Variants in SMARCD2 observed in about 807,000 individuals in gnomAD.
SMARCD2 encodes the protein SWI/SNF-related matrix-associated actin-dependent regulator of chromatin subfamily D member 2.
SMARCD2 carries 39 observed loss-of-function variants against 70.4 expected under a neutral mutation model. The ratio of observed to expected loss-of-function variants is 0.55; its 90% CI spans 0.43 to 0.72. The LOEUF (loss-of-function observed/expected upper bound fraction) is 0.72, where lower values mean the gene tolerates loss of function less well. Ranked by LOEUF, SMARCD2 falls within the 30% of genes least tolerant of loss-of-function variation. The probability of loss-of-function intolerance (pLI) is 0.00; values close to 1 mark genes in which losing one functional copy is unlikely to be tolerated. For missense variants in SMARCD2, 540 were observed against 713.4 expected (o/e 0.76, Z 2.77); for synonymous variants, 249 against 279.4 (o/e 0.89, Z 1.08).
Position 63,832,110 on chromosome 17 carries a change from T to A in SMARCD2, c.*828A>T. 1.1e-6 allele frequency: 1 copy of A among 923,390 alleles called. No individual in the cohort carries two copies. The highest frequency in any genetic ancestry group is 1.7e-6 in the Non-Finnish European group (1 of 600,430). 57.2% of individuals were successfully genotyped at this position (923,390 alleles called of 1,614,324 possible). A position where few individuals can be genotyped will look rare whatever the true frequency, so the allele number is the denominator to read the frequency against. On this transcript the variant is annotated 3_prime_UTR_variant, in exon 13 of 13. Transcript: ENST00000448276. Reference sequence around the variant, plus strand: ...AGACAAAAGGATTTATTTGGAAATTTCCAAACCTGCCAGATGTGGCACTCG... The same window carrying A: ...AGACAAAAGGATTTATTTGGAAATTACCAAACCTGCCAGATGTGGCACTCG...
chr17:63,841,797 C>G (rs1904473355), intron 1 of SMARCD2, among the ~76,000 whole-genome samples: 1 of 152,226 alleles, frequency 6.6e-6, no homozygotes, highest in Admixed American at 6.5e-5. Context: ...AGAAGAGAGC[C>G]GGCCTGTGAC....
In SMARCD2 at chr17:63,835,155, AC is replaced by A. The variant is rs529039478; in HGVS notation, c.723+256del. ...CTTTTTTTTTCTGAGACACAATCTCACTCTGTCACCCAGGCTGAAGTGCAGT... is the reference window on the plus strand; with the variant it reads ...CTTTTTTTTTCTGAGACACAATCTCATCTGTCACCCAGGCTGAAGTGCAGT... On this transcript the variant is annotated intron_variant, in intron 5 of 12. Transcript: ENST00000448276. The A allele has an allele frequency of 2.0e-4, 108 of 537,296 alleles. No individual in the cohort carries two copies. The South Asian group carries it at 2.7e-3, about 13-fold the overall frequency. 33.3% of individuals were successfully genotyped at this position (537,296 alleles called of 1,614,324 possible).
rs2040205861 is a variant in SMARCD2 at position 63,832,610 on chromosome 17, G to C, written c.*328C>G. The stretch of plus-strand genomic sequence containing the variant: ...CCAGCTCTGACCCTCGCCCCAGGGG[G>C]AGTCTGTAAACATGCAAACCCAGCA... On this transcript the variant is annotated 3_prime_UTR_variant, in exon 13 of 13. Transcript: ENST00000448276. The C allele has an allele frequency of 2.4e-6, 1 of 412,934 alleles. No homozygotes were observed. The highest frequency in any genetic ancestry group is 2.0e-5 in the African/African-American group (1 of 49,616). The allele number at this position is 412,934 out of a possible 1,614,324, so 25.6% of individuals were successfully genotyped here.
Position 63,833,996 on chromosome 17 carries a change from C to G in SMARCD2, c.1094G>C (p.Cys365Ser). ...CNRYFRQIFS[C>S]GRLRFSEIPM... Reference sequence around the variant, plus strand: ...AATCTCGGAGAAACGGAGTCGGCCACAACTGAAGATCTGGAGGAAATACGA... The same window carrying G: ...AATCTCGGAGAAACGGAGTCGGCCAGAACTGAAGATCTGGAGGAAATACGA... The change falls in exon 9 of 13, where the codon TGT (cysteine) becomes TCT (serine). Residue 365 changes from cysteine to serine, a missense_variant. Cys to Ser is a moderately radical substitution (Grantham distance 112). Transcript: ENST00000448276. This position sits in a 1 kb window ranked among gnomAD's most constrained non-coding sequence, Gnocchi z 4.3. The G allele has an allele frequency of 6.2e-7, 1 of 1,613,806 alleles. No homozygotes were observed. The highest frequency in any genetic ancestry group is 8.5e-7 in the Non-Finnish European group (1 of 1,179,688).
chr17:63,835,331 C>A, intron 5 of SMARCD2, 81 bp downstream of exon 5: 1 of 1,435,690 alleles, frequency 7.0e-7, no homozygotes, highest in Non-Finnish European at 9.5e-7. Context: ...CTCTGCTGCT[C>A]AGGCTAGTAT....
chr17:63,837,659 CA>C lies in SMARCD2; in HGVS notation c.217-35del. 2 of 1,589,270 alleles carry C rather than the reference CA, an allele frequency of 1.3e-6. No individual in the cohort carries two copies. Among genetic ancestry groups the C allele is most frequent in the Admixed American group, 3.5e-5 (2 of 57,750 alleles). On this transcript the variant is annotated intron_variant, in intron 1 of 12. Transcript: ENST00000448276. The surrounding 1 kb of genome is among the most constrained non-coding windows in gnomAD (Gnocchi z 6.4). ...AGTGAGCCAACGGGGGTGCATAGGT[CA>C]GGGGCAAGGCCCTCCGGGACCCATA...
chr17:63,842,239 G>A (rs1363852440), intron 1 of SMARCD2: 2 of 759,070 alleles, frequency 2.6e-6, no homozygotes, highest in African/African-American at 1.9e-5. Flanking sequence ...GAAGCCCCCA[G>A]GCCTCCCAGC....
chr17:63,838,527 G>A, intron 1 of SMARCD2: 3 of 1,180,546 alleles, frequency 2.5e-6, no homozygotes, highest in Non-Finnish European at 3.4e-6. Flanking sequence ...ATCCTGGGAG[G>A]CAAGGATAGA....
rs1008106624 is a variant in SMARCD2 at position 63,842,535 on chromosome 17, G to A, written c.140C>T (p.Pro47Leu). The change falls in exon 1 of 13, where the codon CCG (proline) becomes CTG (leucine). Residue 47 changes from proline (P) to leucine (L), a missense_variant. Pro to Leu is a moderately conservative substitution (Grantham distance 98). Transcript: ENST00000448276. ...LPGPALRGPG[P>L]AGGVGGPGAA... is the part of the protein sequence containing the mutation. ...CCCGGGGCCCCCCACGCCTCCTGCC[G>A]GACCCGGTCCCCGGAGCGCCGGTCC... The A allele has an allele frequency of 5.8e-6, 7 of 1,211,214 alleles. No individual in the cohort carries two copies. The highest frequency in any genetic ancestry group is 3.2e-5 in the African/African-American group (2 of 63,274). The allele number at this position is 1,211,214 out of a possible 1,614,324, so 75.0% of individuals were successfully genotyped here.
chr17:63,837,181 C>G lies in SMARCD2; in HGVS notation c.444+14G>C, dbSNP rs760329064. On this transcript the variant is annotated intron_variant, in intron 3 of 12. Coordinates refer to ENST00000448276, the MANE Select transcript of SMARCD2 (RefSeq NM_001098426.2). The surrounding 1 kb of genome is among the most constrained non-coding windows in gnomAD (Gnocchi z 6.4). ...CCACTGGGCAGGCCTCCCAGGTGTC[C>G]TCTTAACACTTACTCGCTGAGGTAG... 2 of 1,613,406 alleles carry G rather than the reference C, an allele frequency of 1.2e-6. No homozygotes were observed.
intron 1 of SMARCD2, among the ~76,000 whole-genome samples, chr17:63,841,069 A>G (rs536616432): frequency 6.6e-6 from 1 of 152,368 alleles, no homozygotes; most frequent in Admixed American, 6.5e-5. Context: ...CTCAGTGGGC[A>G]GGCCCAAGGG....
At position 63,834,394 on chromosome 17, in the gene SMARCD2, G is replaced by A. The variant is rs2040237966; in HGVS notation, c.922-66C>T. 6.3e-7 allele frequency: 1 copy of A among 1,575,214 alleles called. No homozygotes were observed. Among genetic ancestry groups the A allele is most frequent in the Non-Finnish European group, 8.7e-7 (1 of 1,152,092 alleles). On this transcript the variant is annotated intron_variant, in intron 7 of 12. Coordinates refer to ENST00000448276, the MANE Select transcript of SMARCD2 (RefSeq NM_001098426.2). This position sits in a 1 kb window ranked among gnomAD's most constrained non-coding sequence, Gnocchi z 5.6. ...TAGAACAGTGGGAAAATAGGGCAGG[G>A]ACAGGAAGGGTTTCTAGGAACCAGC...
At chr17:63,840,430 TC>T (rs1904415621) in intron 1 of SMARCD2, among the ~76,000 whole-genome samples, 1 of 151,942 alleles carries the variant, frequency 6.6e-6, no homozygotes, top group Non-Finnish European at 1.5e-5. Context: ...TGTCTGGGCC[TC>T]CCAAAGTGCT....
rs890328152 is a variant in SMARCD2 at position 63,837,297 on chromosome 17, A to G, written c.402-60T>C. On this transcript the variant is annotated intron_variant, in intron 2 of 12. Coordinates refer to ENST00000448276, the MANE Select transcript of SMARCD2 (RefSeq NM_001098426.2). This position sits in a 1 kb window ranked among gnomAD's most constrained non-coding sequence, Gnocchi z 6.4. ...GGTCCAAAAAAGGACACTCACTCCC[A>G]TAACGCCCCTCCAGTCTCCAGGACC... 20 of 1,566,130 alleles carry G rather than the reference A, an allele frequency of 1.3e-5. No homozygotes were observed. The highest frequency in any genetic ancestry group is 3.3e-5 in the South Asian group (3 of 90,044).
Position 63,832,841 on chromosome 17 carries a change from A to G in SMARCD2, c.*97T>C, listed in dbSNP as rs935093201. On this transcript the variant is annotated 3_prime_UTR_variant, in exon 13 of 13. Coordinates refer to ENST00000448276, the MANE Select transcript of SMARCD2 (RefSeq NM_001098426.2). ...TGGAGAGTAGAGGGTGACAGCAGACACTCCTCACCCCAGCCTACGTGTCTG... is the reference window on the plus strand; with the variant it reads ...TGGAGAGTAGAGGGTGACAGCAGACGCTCCTCACCCCAGCCTACGTGTCTG... 6 of 976,872 alleles carry G rather than the reference A, an allele frequency of 6.1e-6. No homozygotes were observed. Among genetic ancestry groups the G allele is most frequent in the Non-Finnish European group, 9.6e-6 (6 of 625,536 alleles). The allele number at this position is 976,872 out of a possible 1,614,324, so 60.5% of individuals were successfully genotyped here. A position where few individuals can be genotyped will look rare whatever the true frequency, so the allele number is the denominator to read the frequency against.
At position 63,834,021 on chromosome 17, in the gene SMARCD2, A is replaced by C. The variant is rs768924157; in HGVS notation, c.1084-15T>G. ...CAACTGAAGATCTGGAGGAAATACG[A>C]AAGGCTCAGCGTTGGCTTGTGGGCA... is the stretch of plus-strand genomic sequence containing the variant. On this transcript the variant is annotated splice_polypyrimidine_tract_variant and intron_variant, in intron 8 of 12. Transcript: ENST00000448276. The surrounding 1 kb of genome is among the most constrained non-coding windows in gnomAD (Gnocchi z 5.6). 6.2e-7 allele frequency: 1 copy of C among 1,610,834 alleles called. No homozygotes were observed. The highest frequency in any genetic ancestry group is 8.5e-7 in the Non-Finnish European group (1 of 1,177,016).
In SMARCD2 at chr17:63,836,942, C is replaced by G; in HGVS notation, c.547G>C (p.Ala183Pro). The change falls in exon 4 of 13, where the codon GCC (alanine) becomes CCC (proline). Residue 183 changes from alanine (A) to proline (P), a missense_variant. Physicochemically the swap from Ala to Pro is conservative, Grantham distance 27 (BLOSUM62 -1). Transcript: ENST00000448276. ...IARKRMEIQE[A>P]IKKPLTQKRK... Reference sequence around the variant, plus strand: ...CATACTGTCAGAGGCTTTTTGATGGCCTCCTGGATCTCCATCCGCTTGCGA... The same window carrying G: ...CATACTGTCAGAGGCTTTTTGATGGGCTCCTGGATCTCCATCCGCTTGCGA... 6.2e-7 allele frequency: 1 copy of G among 1,613,820 alleles called. No individual in the cohort carries two copies. Among genetic ancestry groups the G allele is most frequent in the Non-Finnish European group, 8.5e-7 (1 of 1,179,770 alleles).
intron 1 of SMARCD2, 138 bp downstream of exon 1, chr17:63,842,321 G>A: frequency 1.7e-6 from 2 of 1,167,836 alleles, no homozygotes; most frequent in Non-Finnish European, 2.1e-6. Context: ...GCAGCCCGAG[G>A]GTCCCGGCCC....
intron 1 of SMARCD2, among the ~76,000 whole-genome samples, chr17:63,842,103 G>A (rs959271954): frequency 6.6e-6 from 1 of 152,154 alleles, no homozygotes; most frequent in African/African-American, 2.4e-5. Context: ...TCTCAGCGAG[G>A]GCCCTTTCCC....
Sources: allele counts gnomAD v4.1 joint callset (sites outside exome capture counted in the v4.1 genomes callset), GRCh38; gene constraint gnomAD v4.1.1; non-coding constraint Gnocchi (gnomAD v3.1); transcripts MANE v1.5; gene names NCBI Gene and HGNC (gene_info 2026-07-23, HGNC 2026-07-21).